RALGAPA2: variants seen among roughly 807,000 people sequenced by gnomAD.
RALGAPA2 encodes the protein ral GTPase-activating protein subunit alpha-2.
In RALGAPA2, 139 loss-of-function variants were observed where a neutral mutation model predicts 230.4. The ratio of observed to expected loss-of-function variants is 0.60; its 90% confidence interval spans 0.53 to 0.69. The LOEUF is 0.69. RALGAPA2 is among the 30% of genes least tolerant of loss of function. The pLI, the probability that RALGAPA2 is intolerant of heterozygous loss-of-function variation, is 0.00. For synonymous variants in RALGAPA2, 847 were observed against 837.8 expected (o/e 1.01, Z -0.19); for missense variants, 2,163 against 2,276.0 (o/e 0.95, Z 1.01).
chr20:20,700,240 A>G (rs1265282487), intron 1 of RALGAPA2, among the ~76,000 whole-genome samples: 1 of 152,164 alleles, frequency 6.6e-6, no homozygotes, highest in Admixed American at 6.5e-5. Context: ...CTCACTTGTA[A>G]TTGAGAGCTA....
chr20:20,681,090 G>A (rs911386668), intron 1 of RALGAPA2, among the ~76,000 whole-genome samples: 50 of 152,228 alleles, frequency 3.3e-4, no homozygotes, highest in African/African-American at 1.1e-3. Flanking sequence ...CTGGAGGTAA[G>A]CAGGGGCAGG....
In RALGAPA2 at chr20:20,591,315, C is replaced by A. The variant is rs2065284305; in HGVS notation, c.2204-1G>T. 2 of 1,612,272 alleles carry A rather than the reference C, an allele frequency of 1.2e-6. No homozygotes were observed. Among genetic ancestry groups the A allele is most frequent in the African/African-American group, 1.3e-5 (1 of 74,884 alleles). On this transcript the variant is annotated splice_acceptor_variant, in intron 16 of 39. Coordinates refer to ENST00000202677, the MANE Select transcript of RALGAPA2 (RefSeq NM_020343.4). LOFTEE classifies it high-confidence loss of function. ...TCTGACTGTTGACACTCCTCCACTT[C>A]TGTGAGCATTAACAAAACATGCAAA... is the stretch of plus-strand genomic sequence containing the variant.
At chr20:20,709,046 T>C (rs747556579) in intron 1 of RALGAPA2, among the ~76,000 whole-genome samples, 4 of 151,972 alleles carry the variant, frequency 2.6e-5, no homozygotes, top group Admixed American at 6.6e-5. Context: ...TGGCCGGACA[T>C]GGTGGCTCAC....
At chr20:20,542,476 A>G (rs553414050) in intron 24 of RALGAPA2, among the ~76,000 whole-genome samples, 1 of 152,356 alleles carries the variant, frequency 6.6e-6, no homozygotes, top group South Asian at 2.1e-4. Context: ...AAAAGAACAA[A>G]GCTGGAGGCA....
At chr20:20,464,790 A>C (rs2061377819) in intron 37 of RALGAPA2, among the ~76,000 whole-genome samples, 1 of 152,206 alleles carries the variant, frequency 6.6e-6, no homozygotes, top group African/African-American at 2.4e-5. Context: ...AAAAATATGC[A>C]CAAAACACCC....
intron 4 of RALGAPA2, among the ~76,000 whole-genome samples, chr20:20,651,310 C>A (rs2067388137): frequency 6.6e-6 from 1 of 152,164 alleles, no homozygotes; most frequent in African/African-American, 2.4e-5. Flanking sequence ...ATATATTTGT[C>A]TGAAAAGAGC....
intron 1 of RALGAPA2, among the ~76,000 whole-genome samples, chr20:20,689,227 T>A (rs888491651): frequency 2.6e-5 from 4 of 152,262 alleles, no homozygotes; most frequent in East Asian, 3.8e-4. Flanking sequence ...ACTTATTTTT[T>A]ACAAAACAGC....
At chr20:20,650,869 T>C (rs1349773221) in intron 4 of RALGAPA2, among the ~76,000 whole-genome samples, 1 of 152,200 alleles carries the variant, frequency 6.6e-6, no homozygotes, top group Non-Finnish European at 1.5e-5. Context: ...TATATATGTA[T>C]ATAATTACAA....
chr20:20,583,258 A>T, intron 19 of RALGAPA2, 32 bp from the exon 20 acceptor site: 1 of 1,560,036 alleles, frequency 6.4e-7, no homozygotes, highest in Non-Finnish European at 8.7e-7. Flanking sequence ...AGTTTAAGAT[A>T]AAAAATAGCT....
chr20:20,419,175 T>C (rs1480225878), intron 37 of RALGAPA2, among the ~76,000 whole-genome samples: 1 of 152,228 alleles, frequency 6.6e-6, no homozygotes, highest in Non-Finnish European at 1.5e-5. Context: ...TGGGAGGTTC[T>C]GAAATATATT....
chr20:20,572,648 T>C (rs939367355), intron 21 of RALGAPA2, among the ~76,000 whole-genome samples: 6 of 152,208 alleles, frequency 3.9e-5, no homozygotes, highest in African/African-American at 1.4e-4. Flanking sequence ...CATCCTGTAT[T>C]TAATATCCTA....
intron 38 of RALGAPA2, among the ~76,000 whole-genome samples, chr20:20,409,526 A>G (rs1020232633): frequency 1.3e-5 from 2 of 152,160 alleles, no homozygotes; most frequent in Non-Finnish European, 2.9e-5. Flanking sequence ...TGGGAGCTTA[A>G]GCCGCTCAGG....
intron 10 of RALGAPA2, among the ~76,000 whole-genome samples, chr20:20,627,441 G>C (rs1466124205): frequency 6.6e-6 from 1 of 152,188 alleles, no homozygotes; most frequent in East Asian, 1.9e-4. Context: ...CATTTTAAAA[G>C]GCAAGTGTAG....
At chr20:20,609,063 T>G (rs140023931) in intron 14 of RALGAPA2, among the ~76,000 whole-genome samples, 1 of 152,194 alleles carries the variant, frequency 6.6e-6, no homozygotes, top group East Asian at 1.9e-4. Flanking sequence ...GATGCAATCA[T>G]AGCTTGCTTA....
intron 16 of RALGAPA2, among the ~76,000 whole-genome samples, chr20:20,599,509 CA>C (rs1174290531): frequency 6.6e-6 from 1 of 152,088 alleles, no homozygotes; most frequent in Non-Finnish European, 1.5e-5. Flanking sequence ...TATGTAAAAC[CA>C]CAATCTGTAA....
chr20:20,541,441 T>TG (rs2063639257), intron 24 of RALGAPA2, among the ~76,000 whole-genome samples: 1 of 152,212 alleles, frequency 6.6e-6, no homozygotes, highest in Non-Finnish European at 1.5e-5. Flanking sequence ...TCTTGTGCTT[T>TG]GGGGCTATTA....
intron 13 of RALGAPA2, among the ~76,000 whole-genome samples, chr20:20,611,855 T>C (rs1431168510): frequency 6.6e-6 from 1 of 152,192 alleles, no homozygotes; most frequent in Non-Finnish European, 1.5e-5. Flanking sequence ...TGAAGCTGAC[T>C]TTCTGGCCTT....
At chr20:20,556,523 T>C (rs2064087782) in intron 23 of RALGAPA2, among the ~76,000 whole-genome samples, 1 of 152,242 alleles carries the variant, frequency 6.6e-6, no homozygotes, top group African/African-American at 2.4e-5. Flanking sequence ...GTCTTAGTCA[T>C]GACACCGATA....
At chr20:20,702,816 G>A (rs975584026) in intron 1 of RALGAPA2, among the ~76,000 whole-genome samples, 5 of 152,134 alleles carry the variant, frequency 3.3e-5, no homozygotes, top group Non-Finnish European at 5.9e-5. Flanking sequence ...CAATATCCAT[G>A]GGCTCCTGAA....
Sources: allele counts gnomAD v4.1 joint callset (sites outside exome capture counted in the v4.1 genomes callset), GRCh38; gene constraint gnomAD v4.1.1; transcripts MANE v1.5; gene names NCBI Gene and HGNC (gene_info 2026-07-23, HGNC 2026-07-21).